ERP27: variants seen among roughly 807,000 people sequenced by gnomAD.
ERP27 encodes the protein endoplasmic reticulum protein 27, also known as endoplasmic reticulum resident protein 27.
Under a neutral mutation model 27.7 loss-of-function variants are expected in ERP27, and 23 were observed. That is an observed-to-expected ratio of 0.83 (90% CI 0.60 to 1.18). The LOEUF is 1.18. ERP27 is among the 50% of genes most tolerant of loss of function. ERP27 has a pLI of 0.00. For missense variants in ERP27, 363 were observed against 327.9 expected, an observed-to-expected ratio of 1.11 and a Z score of -0.83; for synonymous variants, 159 against 118.3, an observed-to-expected ratio of 1.34 and a Z score of -2.23.
At chr12:14,933,224 T>C (rs924071975) in intron 3 of ERP27, among the ~76,000 whole-genome samples, 4 of 152,266 alleles carry the variant, frequency 2.6e-5, no homozygotes, top group Non-Finnish European at 5.9e-5. Flanking sequence ...ATGGGTTCCA[T>C]GACCCAGACT....
At chr12:14,923,539 A>G (rs968638555) in intron 3 of ERP27, among the ~76,000 whole-genome samples, 1 of 115,006 alleles carries the variant, frequency 8.7e-6, no homozygotes, top group South Asian at 2.8e-4. Flanking sequence ...ATCTATCTAT[A>G]TTACCTATCT....
chr12:14,931,747 G>A (rs1024505853), intron 3 of ERP27, among the ~76,000 whole-genome samples: 6 of 152,144 alleles, frequency 3.9e-5, no homozygotes, highest in African/African-American at 7.2e-5. Flanking sequence ...TGGAAGCAAC[G>A]GCACTTGTTT....
chr12:14,925,423 A>T (rs1863585293), intron 3 of ERP27, among the ~76,000 whole-genome samples: 2 of 152,212 alleles, frequency 1.3e-5, no homozygotes, highest in Admixed American at 1.3e-4. Context: ...ATACATAGAA[A>T]TCTATACATT....
At chr12:14,923,009 G>T (rs139248389) in intron 3 of ERP27, among the ~76,000 whole-genome samples, 4 of 151,714 alleles carry the variant, frequency 2.6e-5, no homozygotes, top group African/African-American at 9.7e-5. Context: ...GTGGAGGGGA[G>T]GTTGCAGTGA....
intron 3 of ERP27, among the ~76,000 whole-genome samples, chr12:14,925,748 T>G (rs1863590401): frequency 1.3e-5 from 2 of 152,108 alleles, no homozygotes. Flanking sequence ...TATATCTTTC[T>G]TTTTTTAAAA....
At chr12:14,924,472 C>T (rs1863566147) in intron 3 of ERP27, among the ~76,000 whole-genome samples, 1 of 152,130 alleles carries the variant, frequency 6.6e-6, no homozygotes, top group Admixed American at 6.5e-5. Context: ...TCCATAATGG[C>T]TATACTAATT....
At chr12:14,917,732 G>A (rs957417101) in intron 4 of ERP27, among the ~76,000 whole-genome samples, 10 of 152,128 alleles carry the variant, frequency 6.6e-5, no homozygotes, top group African/African-American at 2.4e-4. Context: ...TCATGTGAGG[G>A]AGCCATCTTG....
At chr12:14,925,601 A>G (rs1162652066) in intron 3 of ERP27, among the ~76,000 whole-genome samples, 3 of 152,068 alleles carry the variant, frequency 2.0e-5, no homozygotes, top group Non-Finnish European at 4.4e-5. Context: ...TTATATTCTT[A>G]TTGATTTCTA....
Position 14,915,683 on chromosome 12 carries a change from G to C in ERP27, c.580C>G (p.Leu194Val), listed in dbSNP as rs753403752. ...ATACCACTGTCCACCAGAATAAAGAGAATCTGCAGTTGGGGAAGTTTGAAA... is the reference window on the plus strand; with the variant it reads ...ATACCACTGTCCACCAGAATAAAGACAATCTGCAGTTGGGGAAGTTTGAAA... ...KAAKLFQGKI[L>V]FILVDSGMKE... Residue 194 changes from leucine to valine, a missense_variant, in exon 6 of 7, where the codon CTC (leucine) becomes GTC (valine). Coordinates refer to ENST00000266397, the MANE Select transcript of ERP27 (RefSeq NM_152321.4). The C allele has an allele frequency of 5.0e-6, 8 of 1,611,780 alleles. No individual in the cohort carries two copies. In the South Asian group the frequency reaches 7.7e-5, roughly 16 times the overall value.
At position 14,934,973 on chromosome 12, in the gene ERP27, C is replaced by T; in HGVS notation, c.216G>A (p.Val72=). The T allele has an allele frequency of 6.2e-7, 1 of 1,614,062 alleles. No homozygotes were observed. Among genetic ancestry groups the T allele is most frequent in the Non-Finnish European group, 8.5e-7 (1 of 1,179,990 alleles). The part of the protein sequence containing the change: ...GFFQDLEIPA[V]PILHSMVQKF... ...TTTGCACCATGCTATGGAGTATGGG[C>T]ACTGCTGGTATTTCTAAATCCTAAA... The change falls in exon 3 of 7, where the codon GTG becomes GTA. Residue 72 remains valine (V), a synonymous_variant. Coordinates refer to ENST00000266397, the MANE Select transcript of ERP27 (RefSeq NM_152321.4).
Position 14,938,484 on chromosome 12 carries a change from T to A in ERP27, c.25A>T (p.Met9Leu). The A allele has an allele frequency of 1.2e-6, 2 of 1,613,806 alleles. No homozygotes were observed. The highest frequency in any genetic ancestry group is 2.7e-5 in the African/African-American group (2 of 75,034). MEAAPSRF[M>L]FLLFLLTCEL... The stretch of plus-strand genomic sequence containing the variant: ...CACGTGAGGAGAAATAAGAGGAACA[T>A]GAACCTGGACGGGGCAGCTTCCATT... The change falls in exon 1 of 7, where the codon ATG becomes TTG. Residue 9 changes from methionine to leucine, a missense_variant. Coordinates refer to ENST00000266397, the MANE Select transcript of ERP27 (RefSeq NM_152321.4).
intron 4 of ERP27, among the ~76,000 whole-genome samples, chr12:14,917,978 T>C (rs1476757055): frequency 6.6e-6 from 1 of 152,236 alleles, no homozygotes; most frequent in Non-Finnish European, 1.5e-5. Context: ...AGTCACTTTA[T>C]TTCAGCCCCC....
chr12:14,914,739 A>G lies in ERP27; in HGVS notation c.818T>C (p.Leu273Pro), dbSNP rs367940265. Residue 273 changes from leucine to proline, a missense_variant, in exon 7 of 7, where the codon CTC becomes CCC. Physicochemically the swap from Leu to Pro is moderately conservative, Grantham distance 98 (BLOSUM62 -3). Coordinates refer to ENST00000266397, the MANE Select transcript of ERP27 (RefSeq NM_152321.4). Reference sequence around the variant, plus strand: ...ATATGTAGTTCCAAGGAGAAGTCAGAGTTCCACCTTTGGAGTCTTTCCTTC... The same window carrying G: ...ATATGTAGTTCCAAGGAGAAGTCAGGGTTCCACCTTTGGAGTCTTTCCTTC... The part of the protein sequence containing the change: ...ESEGKTPKVE[L>P] 2.5e-6 allele frequency: 4 copies of G among 1,613,526 alleles called. No individual in the cohort carries two copies. The highest frequency in any genetic ancestry group is 3.3e-5 in the Admixed American group (2 of 59,898).
intron 2 of ERP27, 30 bp from the exon 3 acceptor site, chr12:14,935,023 G>A (rs1264283523): frequency 2.5e-6 from 4 of 1,607,132 alleles, no homozygotes; most frequent in Non-Finnish European, 3.4e-6. Flanking sequence ...TAATACCACA[G>A]TGGTTATTTC....
In ERP27 at chr12:14,914,518, G is replaced by A. The variant is rs2120529062; in HGVS notation, c.*217C>T. 3 of 524,128 alleles carry A rather than the reference G, an allele frequency of 5.7e-6. No homozygotes were observed. In the South Asian group the frequency reaches 8.8e-5, roughly 15 times the overall value. 32.5% of individuals were successfully genotyped at this position (524,128 alleles called of 1,614,324 possible). On this transcript the variant is annotated 3_prime_UTR_variant, in exon 7 of 7. Coordinates refer to ENST00000266397, the MANE Select transcript of ERP27 (RefSeq NM_152321.4). ...GTGAGGATATGAAATTTAAAAGAAG[G>A]AAGAAGAGAAAACGAGATTTTAAGA...
Position 14,917,196 on chromosome 12 carries a change from G to C in ERP27, c.558C>G (p.Ala186=). ...EENMHRYQKA[A]KLFQGKILFI... ...GCCTTACCTTCCCCTGGAAGAGCTT[G>C]GCTGCCTTCTGGTATCTGTGCATGT... is the stretch of plus-strand genomic sequence containing the variant. The change falls in exon 5 of 7, where the codon GCC becomes GCG. Residue 186 remains alanine (A), a synonymous_variant. Transcript: ENST00000266397. 2 of 1,614,092 alleles carry C rather than the reference G, an allele frequency of 1.2e-6. No homozygotes were observed. The highest frequency in any genetic ancestry group is 2.2e-5 in the South Asian group (2 of 91,076).
Position 14,914,652 on chromosome 12 carries a change from T to C in ERP27, c.*83A>G. On this transcript the variant is annotated 3_prime_UTR_variant, in exon 7 of 7. Transcript: ENST00000266397. ...TGGTTGGCAGGCCTAGTGATCCTGT[T>C]GTTTAGTGTCTCTGAGATTTGAGTT... 1 of 1,341,894 alleles carries C rather than the reference T, an allele frequency of 7.5e-7. No homozygotes were observed. The highest frequency in any genetic ancestry group is 1.2e-5 in the South Asian group (1 of 80,122). 83.1% of individuals were successfully genotyped at this position (1,341,894 alleles called of 1,614,324 possible). A position where few individuals can be genotyped will look rare whatever the true frequency, so the allele number is the denominator to read the frequency against.
chr12:14,923,790 T>C (rs910750240), intron 3 of ERP27, among the ~76,000 whole-genome samples: 1 of 152,196 alleles, frequency 6.6e-6, no homozygotes, highest in African/African-American at 2.4e-5. Context: ...ATGTATACAT[T>C]GTGTAAATAA....
At chr12:14,935,350 A>G (rs1436207386) in intron 2 of ERP27, among the ~76,000 whole-genome samples, 1 of 152,230 alleles carries the variant, frequency 6.6e-6, no homozygotes, top group Non-Finnish European at 1.5e-5. Context: ...TTCTGGGAAC[A>G]ATTTGTTTAA....
Sources: gnomAD v4.1 joint callset for allele counts (sites outside exome capture counted in the v4.1 genomes callset) on GRCh38, gnomAD v4.1.1 for gene constraint, MANE v1.5 for transcripts, NCBI Gene and HGNC (gene_info 2026-07-23, HGNC 2026-07-21) for gene names.